The following DSCAM variants were observed in gnomAD, a reference collection of about 807,000 sequenced individuals.
The protein encoded by DSCAM is cell adhesion molecule DSCAM.
Under a neutral mutation model 217.7 loss-of-function variants are expected in DSCAM, and 47 were observed. The observed-to-expected ratio is 0.22, with a 90% CI of 0.17 to 0.28. The LOEUF is 0.28. DSCAM is among the 10% of genes least tolerant of loss of function. The probability of loss-of-function intolerance (pLI) is 1.00; values close to 1 mark genes in which losing one functional copy is unlikely to be tolerated. For synonymous variants in DSCAM, 1,056 were observed against 1,015.3 expected (o/e 1.04, Z -0.76); for missense variants, 2,080 against 2,618.3 (o/e 0.79, Z 4.49).
intron 11 of DSCAM, among the ~76,000 whole-genome samples, chr21:40,237,547 T>C (rs1410476089): frequency 6.6e-6 from 1 of 152,216 alleles, no homozygotes; most frequent in Non-Finnish European, 1.5e-5. Flanking sequence ...TATAAACTCA[T>C]CCTTTTTTAT....
At chr21:40,782,300 CCT>C (rs778174248) in intron 1 of DSCAM, among the ~76,000 whole-genome samples, 1 of 152,234 alleles carries the variant, frequency 6.6e-6, no homozygotes, top group Non-Finnish European at 1.5e-5. Context: ...CCATAAGTGG[CCT>C]CTGCCTTTCT....
chr21:40,222,159 C>A (rs1384820632), intron 11 of DSCAM, among the ~76,000 whole-genome samples: 2 of 152,154 alleles, frequency 1.3e-5, no homozygotes, highest in East Asian at 3.9e-4. Context: ...AACTTGGATT[C>A]TTCACCACAT....
At chr21:40,229,865 G>A (rs1229753623) in intron 11 of DSCAM, among the ~76,000 whole-genome samples, 1 of 152,158 alleles carries the variant, frequency 6.6e-6, no homozygotes, top group Non-Finnish European at 1.5e-5. Context: ...CAAACACCCA[G>A]GTGTACAATT....
intron 3 of DSCAM, among the ~76,000 whole-genome samples, chr21:40,437,580 G>A (rs2075594272): frequency 6.6e-6 from 1 of 152,132 alleles, no homozygotes; most frequent in Admixed American, 6.5e-5. Flanking sequence ...GCCAGGGGTG[G>A]TGGCTCACAC....
chr21:40,334,448 C>T (rs191438342), intron 8 of DSCAM, among the ~76,000 whole-genome samples: 3 of 152,268 alleles, frequency 2.0e-5, no homozygotes, highest in African/African-American at 7.2e-5. Flanking sequence ...CTGTATCCAA[C>T]CACTAGGAAA....
At chr21:40,266,626 A>G (rs2073531028) in intron 11 of DSCAM, among the ~76,000 whole-genome samples, 1 of 74,300 alleles carries the variant, frequency 1.3e-5, no homozygotes, top group African/African-American at 8.4e-5. Context: ...ATGAATGGAC[A>G]AAGATGTTTT....
chr21:40,253,383 G>A (rs900195461), intron 11 of DSCAM, among the ~76,000 whole-genome samples: 5 of 152,092 alleles, frequency 3.3e-5, no homozygotes, highest in African/African-American at 9.7e-5. Flanking sequence ...TCCTGGTTCC[G>A]GGACAGAGCT....
At chr21:40,423,900 A>C (rs2075448361) in intron 3 of DSCAM, among the ~76,000 whole-genome samples, 1 of 152,234 alleles carries the variant, frequency 6.6e-6, no homozygotes, top group Non-Finnish European at 1.5e-5. Flanking sequence ...TGTGGGGAAG[A>C]GGGAGATGCT....
chr21:40,825,758 C>T (rs757945747), intron 1 of DSCAM, among the ~76,000 whole-genome samples: 10 of 151,602 alleles, frequency 6.6e-5, no homozygotes, highest in East Asian at 5.8e-4. Context: ...TTTATGGGTG[C>T]GTGAGAGTTG....
chr21:40,827,468 CAAA>C (rs55906607), intron 1 of DSCAM, among the ~76,000 whole-genome samples: 7 of 57,124 alleles, frequency 1.2e-4, no homozygotes, highest in Middle Eastern at 0.01. Flanking sequence ...GTCCATGTCT[CAAA>C]AAAAAAAAAA....
intron 20 of DSCAM, among the ~76,000 whole-genome samples, chr21:40,119,849 A>C (rs2090012529): frequency 6.6e-6 from 1 of 152,116 alleles, no homozygotes. Flanking sequence ...GATGAGTATC[A>C]TTGTAGATAC....
At chr21:40,603,930 T>G (rs1442174983) in intron 3 of DSCAM, among the ~76,000 whole-genome samples, 41 of 148,938 alleles carry the variant, frequency 2.8e-4, no homozygotes, top group Non-Finnish European at 5.5e-4. Flanking sequence ...CATTTCTTTT[T>G]TTTTTTTTTT....
At chr21:40,240,781 G>A (rs1053967426) in intron 11 of DSCAM, among the ~76,000 whole-genome samples, 1 of 152,086 alleles carries the variant, frequency 6.6e-6, no homozygotes, top group Non-Finnish European at 1.5e-5. Flanking sequence ...TTTGTGACGA[G>A]TGCCACTGAT....
Position 40,087,121 on chromosome 21 carries a change from T to C in DSCAM, c.3968+49A>G, listed in dbSNP as rs763386595. On this transcript the variant is annotated intron_variant, in intron 22 of 32. Coordinates refer to ENST00000400454, the MANE Select transcript of DSCAM (RefSeq NM_001389.5). ...CTAGACACAACCTGAGTATGTCAGA[T>C]GTAATCTCTTAGAGTCTCACTGAAG... 6 of 1,347,118 alleles carry C rather than the reference T, an allele frequency of 4.5e-6. No homozygotes were observed. In the South Asian group the frequency reaches 4.7e-5, roughly 10 times the overall value. 83.4% of individuals were successfully genotyped at this position (1,347,118 alleles called of 1,614,324 possible). A position where few individuals can be genotyped will look rare whatever the true frequency, so the allele number is the denominator to read the frequency against.
intron 3 of DSCAM, among the ~76,000 whole-genome samples, chr21:40,563,776 ATATATGTT>A (rs900504040): frequency 1.3e-4 from 19 of 148,120 alleles, no homozygotes; most frequent in Admixed American, 2.7e-4. Flanking sequence ...GTATGTTTAT[ATATATGTT>A]TATATGTTTA....
intron 3 of DSCAM, among the ~76,000 whole-genome samples, chr21:40,658,939 T>C (rs7281929): frequency 0.31 from 47,803 of 152,010 alleles, 8,700 homozygotes; most frequent in African/African-American, 0.51. Flanking sequence ...AAAGGCTGTG[T>C]GCACACCTCA....
intron 3 of DSCAM, among the ~76,000 whole-genome samples, chr21:40,690,846 G>A (rs1391390832): frequency 1.3e-5 from 2 of 152,238 alleles, no homozygotes; most frequent in Non-Finnish European, 2.9e-5. Context: ...CCTCCTGGTA[G>A]AACATGTTCT....
At chr21:40,099,083 A>C (rs2089718263) in intron 20 of DSCAM, among the ~76,000 whole-genome samples, 1 of 152,194 alleles carries the variant, frequency 6.6e-6, no homozygotes, top group African/African-American at 2.4e-5. Context: ...TCTAACAATT[A>C]CTCTTACTGA....
chr21:40,199,350 A>C (rs2091047620), intron 11 of DSCAM, among the ~76,000 whole-genome samples: 1 of 152,180 alleles, frequency 6.6e-6, no homozygotes, highest in South Asian at 2.1e-4. Context: ...ATGGCTGCAT[A>C]GTATTCCATC....
Sources: gnomAD v4.1 joint callset for allele counts (sites outside exome capture counted in the v4.1 genomes callset) on GRCh38, gnomAD v4.1.1 for gene constraint, MANE v1.5 for transcripts, NCBI Gene and HGNC (gene_info 2026-07-23, HGNC 2026-07-21) for gene names.